The following PRKG1 variants were observed in gnomAD, a reference collection of about 807,000 sequenced individuals.
The protein encoded by PRKG1 is cGMP-dependent protein kinase 1.
PRKG1 carries 35 observed loss-of-function variants against 88.1 expected under a neutral mutation model. The observed-to-expected ratio is 0.40, with a 90% CI of 0.30 to 0.53. The LOEUF is 0.53. PRKG1 is among the 20% of genes least tolerant of loss of function. The probability of loss-of-function intolerance (pLI) is 0.59; values close to 1 mark genes in which losing one functional copy is unlikely to be tolerated. For synonymous variants in PRKG1, 303 were observed against 292.5 expected (o/e 1.04, Z -0.37); for missense variants, 540 against 839.8 (o/e 0.64, Z 4.41).
At chr10:52,144,795 C>T (rs1220028119) in intron 8 of PRKG1, among the ~76,000 whole-genome samples, 3 of 151,894 alleles carry the variant, frequency 2.0e-5, no homozygotes, top group East Asian at 3.9e-4. Context: ...CCACCCTGGG[C>T]GACCGAGCAG....
In PRKG1 at chr10:51,737,675, T is replaced by C. The variant is rs553034159; in HGVS notation, c.593-66910T>C. On this transcript the variant is annotated intron_variant, in intron 3 of 17. Coordinates refer to ENST00000373980, the MANE Select transcript of PRKG1 (RefSeq NM_006258.4). ...CCTGATCTCAAGAAATCTGGACTTC[T>C]GGTCTGGTAGGGAGCCTAGGACTCT... is the stretch of plus-strand genomic sequence containing the variant. Among the ~76,000 whole-genome samples the C allele has an allele frequency of 7.9e-5, 12 of 151,860 alleles. No individual in the cohort carries two copies. The East Asian group carries it at 1.7e-3, about 22-fold the overall frequency.
intron 8 of PRKG1, among the ~76,000 whole-genome samples, chr10:52,155,809 T>A (rs1243561232): frequency 2.0e-5 from 3 of 151,582 alleles, no homozygotes; most frequent in African/African-American, 7.3e-5. Context: ...ATAATAAGCC[T>A]AGTCAACTTA....
intron 3 of PRKG1, among the ~76,000 whole-genome samples, chr10:51,642,217 C>T (rs929933134): frequency 2.0e-5 from 3 of 152,118 alleles, no homozygotes; most frequent in Middle Eastern, 3.4e-3. Context: ...TGGTGAAACT[C>T]CTTCTCCACT....
intron 5 of PRKG1, among the ~76,000 whole-genome samples, chr10:51,961,354 C>T (rs188825558): frequency 5.9e-5 from 9 of 151,814 alleles, no homozygotes; most frequent in Non-Finnish European, 1.2e-4. Context: ...GAATGAGGAA[C>T]CTGCAGATGT....
At chr10:52,006,411 T>C (rs1311504493) in intron 5 of PRKG1, among the ~76,000 whole-genome samples, 2 of 151,910 alleles carry the variant, frequency 1.3e-5, no homozygotes, top group African/African-American at 4.8e-5. Context: ...GGAGCTGATA[T>C]ACAAAATAGC....
At chr10:51,507,705 C>T (rs1326980067) in intron 3 of PRKG1, among the ~76,000 whole-genome samples, 2 of 152,030 alleles carry the variant, frequency 1.3e-5, no homozygotes, top group African/African-American at 4.8e-5. Flanking sequence ...CACTTCCCAC[C>T]CCAGTACTCT....
At chr10:51,377,817 A>G (rs941607017) in intron 2 of PRKG1, among the ~76,000 whole-genome samples, 1 of 152,204 alleles carries the variant, frequency 6.6e-6, no homozygotes, top group African/African-American at 2.4e-5. Flanking sequence ...CCTGTGCTTC[A>G]TTGCCTGTTG....
chr10:52,210,033 A>G (rs1172724808), intron 9 of PRKG1, among the ~76,000 whole-genome samples: 1 of 152,170 alleles, frequency 6.6e-6, no homozygotes, highest in Non-Finnish European at 1.5e-5. Context: ...TGTAAATGGA[A>G]GGAGCAATTA....
intron 4 of PRKG1, among the ~76,000 whole-genome samples, chr10:51,825,576 G>A (rs1366605246): frequency 6.6e-6 from 1 of 152,070 alleles, no homozygotes; most frequent in Admixed American, 6.6e-5. Flanking sequence ...AGAGTCCGTG[G>A]TCTGTTCCTG....
intron 10 of PRKG1, among the ~76,000 whole-genome samples, chr10:52,259,387 G>A (rs75553839): frequency 6.6e-6 from 1 of 151,918 alleles, no homozygotes; most frequent in Non-Finnish European, 1.5e-5. Flanking sequence ...GGGAAAAATA[G>A]TCCCTTTGTA....
chr10:51,169,319 C>G (rs1589216007), intron 2 of PRKG1, among the ~76,000 whole-genome samples: 1 of 152,242 alleles, frequency 6.6e-6, no homozygotes. Flanking sequence ...GATTGGATGT[C>G]TCTTTTAAAG....
At chr10:51,225,632 A>G (rs974534916) in intron 2 of PRKG1, among the ~76,000 whole-genome samples, 4 of 152,024 alleles carry the variant, frequency 2.6e-5, no homozygotes, top group Non-Finnish European at 5.9e-5. Context: ...CTTTTTGTTT[A>G]TTATACGTAA....
chr10:51,941,678 C>G (rs1373834016), intron 5 of PRKG1, among the ~76,000 whole-genome samples: 1 of 144,740 alleles, frequency 6.9e-6, no homozygotes, highest in Non-Finnish European at 1.5e-5. Flanking sequence ...TGTTCAATTC[C>G]CACCTATGAA....
At chr10:52,271,227 T>G in intron 10 of PRKG1, 123 bp from the exon 11 acceptor site, 1 of 973,320 alleles carries the variant, frequency 1.0e-6, no homozygotes. Flanking sequence ...GGATTTACTG[T>G]GTTTTGACTT....
chr10:51,227,003 A>C (rs1838710347), intron 2 of PRKG1, among the ~76,000 whole-genome samples: 1 of 151,942 alleles, frequency 6.6e-6, no homozygotes, highest in Non-Finnish European at 1.5e-5. Context: ...ATCAGATTCC[A>C]CAGCGCTTTT....
At chr10:51,829,020 C>T (rs1839942431) in intron 4 of PRKG1, among the ~76,000 whole-genome samples, 1 of 152,136 alleles carries the variant, frequency 6.6e-6, no homozygotes, top group Non-Finnish European at 1.5e-5. Flanking sequence ...GACTAAAGGT[C>T]TCTCATGAAG....
chr10:51,812,846 CTG>C (rs1300272911), intron 4 of PRKG1, among the ~76,000 whole-genome samples: 1 of 151,992 alleles, frequency 6.6e-6, no homozygotes, highest in Non-Finnish European at 1.5e-5. Context: ...TGACAAATGA[CTG>C]TTGAGTTTTT....
At chr10:52,155,420 G>T (rs1838064349) in intron 8 of PRKG1, among the ~76,000 whole-genome samples, 2 of 151,762 alleles carry the variant, frequency 1.3e-5, no homozygotes, top group African/African-American at 4.8e-5. Context: ...TACTAGATAA[G>T]CAAATAAACA....
At chr10:51,982,734 A>G (rs1322875487) in intron 5 of PRKG1, among the ~76,000 whole-genome samples, 1 of 152,110 alleles carries the variant, frequency 6.6e-6, no homozygotes, top group African/African-American at 2.4e-5. Context: ...TCCAATGGGT[A>G]GTGTCAGCAA....
Sources: allele counts gnomAD v4.1 joint callset (sites outside exome capture counted in the v4.1 genomes callset), GRCh38; gene constraint gnomAD v4.1.1; transcripts MANE v1.5; gene names NCBI Gene and HGNC (gene_info 2026-07-23, HGNC 2026-07-21).